BTK: variants seen among roughly 807,000 people sequenced by gnomAD.
BTK encodes Bruton tyrosine kinase, also known as tyrosine-protein kinase BTK.
In BTK, 5 loss-of-function variants were observed where a neutral mutation model predicts 57.4. The observed-to-expected ratio is 0.09, with a 90% CI of 0.05 to 0.18. BTK has a LOEUF of 0.18. Ranked by LOEUF, BTK falls within the 10% of genes least tolerant of loss-of-function variation. The pLI, the probability that BTK is intolerant of heterozygous loss-of-function variation, is 1.00. For synonymous variants in BTK, 154 were observed against 174.3 expected (o/e 0.88, Z 0.92); for missense variants, 194 against 501.2 (o/e 0.39, Z 5.85).
At chrX:101,375,805 C>T (rs1927191731) in intron 1 of BTK, among the ~76,000 whole-genome samples, 1 of 111,702 alleles carries the variant, frequency 9.0e-6, no homozygotes, top group East Asian at 2.8e-4. Context: ...AAACATTGTC[C>T]CACTGGGGTC....
At chrX:101,383,408 T>C (rs1054395451) in intron 1 of BTK, among the ~76,000 whole-genome samples, 4 of 112,163 alleles carry the variant, frequency 3.6e-5, no homozygotes, top group Admixed American at 1.9e-4. Context: ...ACTGCCAAAA[T>C]AGTTTCCAGA....
At chrX:101,363,972 C>A (rs998329415) in intron 5 of BTK, among the ~76,000 whole-genome samples, 1 of 104,684 alleles carries the variant, frequency 9.6e-6, no homozygotes, top group African/African-American at 3.4e-5. Flanking sequence ...CCCAGGCAGG[C>A]CTTGAATTCC....
intron 10 of BTK, among the ~76,000 whole-genome samples, chrX:101,358,990 T>G (rs948152170): frequency 9.0e-6 from 1 of 110,538 alleles, no homozygotes; most frequent in South Asian, 3.9e-4. Flanking sequence ...ATACAAAAAT[T>G]AGTCGGGCGT....
intron 5 of BTK, among the ~76,000 whole-genome samples, chrX:101,363,929 T>TATC (rs1244327867): frequency 3.0e-5 from 3 of 99,811 alleles, no homozygotes; most frequent in Non-Finnish European, 6.0e-5. Context: ...TTATTATTAT[T>TATC]ATTATTATTG....
chrX:101,360,872 C>G (rs1383025646), intron 7 of BTK, 117 bp from the exon 8 acceptor site: 1 of 717,429 alleles, frequency 1.4e-6, no homozygotes, highest in African/African-American at 2.1e-5. Flanking sequence ...AAATATTACT[C>G]AGCAGTCATT....
At chrX:101,350,203 C>A (rs1555976814) in intron 18 of BTK, among the ~76,000 whole-genome samples, 2 of 110,191 alleles carry the variant, frequency 1.8e-5, no homozygotes, top group Non-Finnish European at 3.8e-5. Flanking sequence ...AACTGACAAT[C>A]ACACTGATCA....
chrX:101,366,947 T>C (rs1275075181), intron 5 of BTK, among the ~76,000 whole-genome samples: 1 of 112,347 alleles, frequency 8.9e-6, no homozygotes, highest in Non-Finnish European at 1.9e-5. Flanking sequence ...ACATCTGAGT[T>C]AGGAAACCAA....
At chrX:101,387,347 C>CT (rs1195584019), upstream of BTK, among the ~76,000 whole-genome samples, 8,111 of 75,401 alleles carry the variant, frequency 0.11, 626 homozygotes, top group African/African-American at 0.15. Context: ...GCCCTGGGAC[C>CT]TTTTTTTTTT....
intron 3 of BTK, 141 bp from the exon 4 acceptor site, chrX:101,371,842 A>C: frequency 3.9e-6 from 2 of 515,232 alleles, no homozygotes; most frequent in Non-Finnish European, 3.4e-6. Context: ...TACTTTCTAT[A>C]GGCCAATAGG....
At chrX:101,355,464 G>T (rs1208982281) in intron 15 of BTK, 1 of 119,822 alleles carries the variant, frequency 8.3e-6, no homozygotes, top group Non-Finnish European at 1.7e-5. Flanking sequence ...GTGAAGTGAA[G>T]TGGATCGAGA....
At position 101,356,034 on chromosome X, in the gene BTK, A is replaced by G. The variant is rs367698178; in HGVS notation, c.1566+18T>C. On this transcript the variant is annotated intron_variant, in intron 15 of 18. Coordinates refer to ENST00000308731, the MANE Select transcript of BTK (RefSeq NM_000061.3). ...CCCATCAGCCCTTTGTCCTAGGCCA[A>G]TCCTTCTAAGGTCCCACCAGGTCTC... is the stretch of plus-strand genomic sequence containing the variant. 1.7e-5 allele frequency: 20 copies of G among 1,202,519 alleles called. No individual in the cohort carries two copies. In the African/African-American group the frequency reaches 3.4e-4, roughly 20 times the overall value.
chrX:101,372,607 C>CAT (rs1555980502), intron 3 of BTK, among the ~76,000 whole-genome samples: 1 of 108,278 alleles, frequency 9.2e-6, no homozygotes, highest in African/African-American at 3.3e-5. Context: ...CGCCACCATG[C>CAT]CCAGCTAATT....
At chrX:101,378,960 G>A (rs1276776294) in intron 1 of BTK, among the ~76,000 whole-genome samples, 1 of 110,212 alleles carries the variant, frequency 9.1e-6, no homozygotes, top group Non-Finnish European at 1.9e-5. Context: ...GATCACTTGA[G>A]GTCAGGAGTT....
upstream of BTK, among the ~76,000 whole-genome samples, chrX:101,387,404 T>C (rs1927651220): frequency 1.1e-5 from 1 of 95,004 alleles, no homozygotes; most frequent in Non-Finnish European, 2.0e-5. Context: ...CAGGTTGGAG[T>C]GCAGTGGCGT....
rs373562379 is a variant in BTK at position 101,369,744 on chromosome X, TTTG to T, written c.391+251_391+253del. On this transcript the variant is annotated intron_variant, in intron 5 of 18. Coordinates refer to ENST00000308731, the MANE Select transcript of BTK (RefSeq NM_000061.3). ...CAAAATACAAACTTTCCTTTGTTTC[TTTG>T]TTATTTGTCTTTCTTTCCTCCCTCA... 0.1 allele frequency among the ~76,000 whole-genome samples: 8,779 copies of T among 83,637 alleles called. 904 individuals carry two copies. The highest frequency in any genetic ancestry group is 0.29 in the African/African-American group (8,297 of 28,663). 72.6% of individuals were successfully genotyped at this position (83,637 alleles called of 115,157 possible). A position where few individuals can be genotyped will look rare whatever the true frequency, so the allele number is the denominator to read the frequency against.
intron 4 of BTK, 88 bp from the exon 5 acceptor site, chrX:101,370,167 G>A: frequency 1.3e-6 from 1 of 746,928 alleles, no homozygotes; most frequent in Non-Finnish European, 2.1e-6. Flanking sequence ...GGGACAATTT[G>A]TATATTTATT....
intron 4 of BTK, among the ~76,000 whole-genome samples, chrX:101,370,972 G>C (rs1427779702): frequency 9.0e-6 from 1 of 111,664 alleles, no homozygotes; most frequent in Non-Finnish European, 1.9e-5. Context: ...TTTTCTTTTT[G>C]CTTGTTAGTC....
chrX:101,358,818 G>A, intron 10 of BTK, 122 bp from the exon 11 acceptor site: 1 of 595,300 alleles, frequency 1.7e-6, no homozygotes. Context: ...TTCCACGCTT[G>A]AGCTACAGCC....
At chrX:101,386,589 C>T (rs1555982500), upstream of BTK, among the ~76,000 whole-genome samples, 1 of 110,610 alleles carries the variant, frequency 9.0e-6, no homozygotes, top group South Asian at 3.9e-4. Flanking sequence ...CCAGGAAGAG[C>T]GTTTTTCGAG....
Sources: allele counts gnomAD v4.1 joint callset (sites outside exome capture counted in the v4.1 genomes callset), GRCh38; gene constraint gnomAD v4.1.1; transcripts MANE v1.5; gene names NCBI Gene and HGNC (gene_info 2026-07-23, HGNC 2026-07-21).